Variants in FBXL13 observed in about 807,000 individuals in gnomAD.
FBXL13 encodes the protein F-box and leucine rich repeat protein 13.
In FBXL13, 67 loss-of-function variants were observed where a neutral mutation model predicts 83.6. That is an observed-to-expected ratio of 0.80 (90% CI 0.66 to 0.98). The LOEUF is 0.98. Among genes scored for constraint, FBXL13 ranks in the 50% least tolerant of loss-of-function variants. The probability of loss-of-function intolerance (pLI) is 0.00; values close to 1 mark genes in which losing one functional copy is unlikely to be tolerated. For synonymous variants in FBXL13, 272 were observed against 299.5 expected, an observed-to-expected ratio of 0.91 and a Z score of 0.95; for missense variants, 822 against 866.5, an observed-to-expected ratio of 0.95 and a Z score of 0.64.
rs1374192949 is a variant in FBXL13 at position 102,924,680 on chromosome 7, C to T, written c.878+1594G>A. ...TTTTTGAGATGGGGTCTCGCTCTGT[C>T]GCCCAGGCTGGAGTGCAGTGGCGCA... On this transcript the variant is annotated intron_variant, in intron 10 of 19. Transcript: ENST00000313221. Among the ~76,000 whole-genome samples, 28 of 131,818 alleles carry T rather than the reference C, an allele frequency of 2.1e-4. 1 individual carries two copies. The Admixed American group carries it at 2.2e-3, about 10-fold the overall frequency. 86.5% of individuals were successfully genotyped at this position (131,818 alleles called of 152,430 possible).
intron 14 of FBXL13, among the ~76,000 whole-genome samples, chr7:102,882,114 G>T (rs1475172581): frequency 2.0e-5 from 3 of 152,096 alleles, no homozygotes; most frequent in African/African-American, 7.2e-5. Context: ...TTAAAAACTA[G>T]CTGGATATGA....
intron 8 of FBXL13, chr7:102,939,578 C>A (rs775367068): frequency 1.9e-6 from 3 of 1,612,666 alleles, no homozygotes; most frequent in South Asian, 1.1e-5. Flanking sequence ...TTGAATTCAT[C>A]GATCCTGGTA....
At chr7:102,902,382 T>C (rs1321683885) in intron 11 of FBXL13, among the ~76,000 whole-genome samples, 1 of 152,198 alleles carries the variant, frequency 6.6e-6, no homozygotes, top group African/African-American at 2.4e-5. Flanking sequence ...ATTCTGTGGG[T>C]TGTCTCTTCA....
intron 6 of FBXL13, among the ~76,000 whole-genome samples, chr7:103,016,092 A>G (rs1792276116): frequency 6.6e-6 from 1 of 152,192 alleles, no homozygotes; most frequent in Admixed American, 6.5e-5. Flanking sequence ...TGCCCAAAGC[A>G]ATTTACAGAT....
At chr7:102,835,641 GCT>G (rs1230702066) in intron 17 of FBXL13, among the ~76,000 whole-genome samples, 1 of 99,088 alleles carries the variant, frequency 1.0e-5, no homozygotes, top group Non-Finnish European at 1.7e-5. Context: ...ACGGAGTCTC[GCT>G]CTGTCGCCCA....
intron 1 of FBXL13, among the ~76,000 whole-genome samples, chr7:103,057,404 T>A (rs1202090254): frequency 1.0e-5 from 1 of 98,228 alleles, no homozygotes; most frequent in African/African-American, 3.2e-5. Context: ...TATGAGAAAC[T>A]CATTGGGGTT....
chr7:102,925,811 G>A (rs2129471907), intron 10 of FBXL13, among the ~76,000 whole-genome samples: 1 of 151,982 alleles, frequency 6.6e-6, no homozygotes, highest in South Asian at 2.1e-4. Flanking sequence ...CGTGGTGGTG[G>A]GCACCTGTAA....
chr7:102,813,236 G>T (rs1797555838), exon 20 of FBXL13: 2 of 998,720 alleles, frequency 2.0e-6, no homozygotes, highest in Non-Finnish European at 3.0e-6. Flanking sequence ...ATGGTTTGTT[G>T]CTTGTTTACA....
chr7:102,959,252 CATA>C (rs1725026772), intron 8 of FBXL13, among the ~76,000 whole-genome samples: 1 of 152,040 alleles, frequency 6.6e-6, no homozygotes. Flanking sequence ...TTCCATTTTG[CATA>C]ATTTCTTTTT....
intron 1 of FBXL13, among the ~76,000 whole-genome samples, chr7:103,061,351 C>A (rs1797887375): frequency 5.3e-5 from 8 of 152,154 alleles, no homozygotes; most frequent in Admixed American, 5.2e-4. Flanking sequence ...GCCGTCTCAT[C>A]CCCTCTAAGA....
intron 1 of FBXL13, among the ~76,000 whole-genome samples, chr7:103,057,317 TGA>T: frequency 1.3e-5 from 2 of 152,230 alleles, no homozygotes; most frequent in Middle Eastern, 6.8e-3. Flanking sequence ...TTGCATTACT[TGA>T]GGAGTAAGTT....
intron 16 of FBXL13, among the ~76,000 whole-genome samples, chr7:102,869,490 C>A (rs574140048): frequency 2.7e-5 from 4 of 146,292 alleles, no homozygotes; most frequent in African/African-American, 1.0e-4. Flanking sequence ...TAATACCATT[C>A]GTGCATTTTT....
At chr7:103,025,328 A>C in intron 5 of FBXL13, 98 bp from the exon 7 acceptor site, 2 of 634,686 alleles carry the variant, frequency 3.2e-6, no homozygotes, top group Non-Finnish European at 5.2e-6. Flanking sequence ...AATAGGACCA[A>C]TTAAACATTA....
intron 11 of FBXL13, among the ~76,000 whole-genome samples, chr7:102,907,629 G>A (rs2129467814): frequency 6.6e-6 from 1 of 152,246 alleles, no homozygotes; most frequent in East Asian, 1.9e-4. Context: ...CTTCATCCAT[G>A]TCCCTACAAA....
intron 6 of FBXL13, among the ~76,000 whole-genome samples, chr7:102,994,224 C>T (rs1291045528): frequency 6.6e-6 from 1 of 151,902 alleles, no homozygotes; most frequent in Non-Finnish European, 1.5e-5. Flanking sequence ...ACATTCTGCA[C>T]ATTATTTGGG....
chr7:102,932,943 G>A (rs1330421118), intron 8 of FBXL13: 2 of 152,202 alleles, frequency 1.3e-5, no homozygotes, highest in Non-Finnish European at 2.9e-5. Context: ...TACTTATCAA[G>A]GAGATATAGC....
intron 1 of FBXL13, among the ~76,000 whole-genome samples, chr7:103,061,824 G>C (rs1195842130): frequency 6.6e-6 from 1 of 151,442 alleles, no homozygotes. Flanking sequence ...GGTAGTCCCA[G>C]CTACTCAGGA....
intron 17 of FBXL13, among the ~76,000 whole-genome samples, chr7:102,852,505 C>T (rs779149163): frequency 4.6e-5 from 7 of 152,032 alleles, no homozygotes; most frequent in African/African-American, 7.2e-5. Flanking sequence ...AACAAACAGT[C>T]CCATCAAAAA....
chr7:102,848,275 G>GGAAAGAGGAATGAGAAAT (rs1349589550), intron 17 of FBXL13, among the ~76,000 whole-genome samples: 4 of 113,008 alleles, frequency 3.5e-5, no homozygotes, highest in Admixed American at 2.3e-4. Flanking sequence ...ACACATTCGA[G>GGAAAGAGGAATGAGAAAT]GCCGGGCGCG....
Sources: gnomAD v4.1 joint callset for allele counts (sites outside exome capture counted in the v4.1 genomes callset) on GRCh38, gnomAD v4.1.1 for gene constraint, MANE v1.5 for transcripts, NCBI Gene and HGNC (gene_info 2026-07-23, HGNC 2026-07-21) for gene names.